Variants in SLIT2 observed in about 807,000 individuals in gnomAD.
The protein encoded by SLIT2 is slit homolog 2 protein.
Under a neutral mutation model 185.7 loss-of-function variants are expected in SLIT2, and 41 were observed. That is an observed-to-expected ratio of 0.22 (90% confidence interval 0.17 to 0.29). The LOEUF is 0.29. Among genes scored for constraint, SLIT2 ranks in the 10% least tolerant of loss-of-function variants. SLIT2 has a pLI of 1.00. For synonymous variants in SLIT2, 693 were observed against 680.2 expected (o/e 1.02, Z -0.29); for missense variants, 1,571 against 1,909.0 (o/e 0.82, Z 3.30).
intron 4 of SLIT2, among the ~76,000 whole-genome samples, chr4:20,421,350 A>G (rs1044307091): frequency 1.3e-5 from 2 of 152,184 alleles, no homozygotes; most frequent in South Asian, 2.1e-4. Flanking sequence ...TTGTAGTAAC[A>G]TTTAAAAATA....
chr4:20,346,729 G>A (rs1721442313), intron 4 of SLIT2, among the ~76,000 whole-genome samples: 1 of 152,188 alleles, frequency 6.6e-6, no homozygotes, highest in Admixed American at 6.5e-5. Flanking sequence ...TTCAGTCTGT[G>A]GCCAAAGGCC....
At chr4:20,291,484 ATATATATATTTTTTTTTTTTTTTTT>A (rs1185872695) in intron 4 of SLIT2, among the ~76,000 whole-genome samples, 27 of 10,502 alleles carry the variant, frequency 2.6e-3, no homozygotes, top group South Asian at 9.3e-3. Flanking sequence ...ATATATATAT[ATATATATATTTTTTTTTTTTTTTTT>A]TTTTTTTTTT....
intron 30 of SLIT2, among the ~76,000 whole-genome samples, chr4:20,594,929 T>G (rs1727852843): frequency 6.6e-6 from 1 of 152,136 alleles, no homozygotes; most frequent in Non-Finnish European, 1.5e-5. Context: ...TGGAGAGGAT[T>G]CAGTGAATCC....
intron 26 of SLIT2, among the ~76,000 whole-genome samples, chr4:20,556,767 C>T (rs1724291672): frequency 6.6e-6 from 1 of 152,000 alleles, no homozygotes; most frequent in African/African-American, 2.4e-5. Context: ...GCAAGGAAGG[C>T]CACGTTGAAA....
chr4:20,579,691 TAAAA>T (rs954217479), intron 29 of SLIT2, among the ~76,000 whole-genome samples: 1 of 151,806 alleles, frequency 6.6e-6, no homozygotes, highest in South Asian at 2.1e-4. Context: ...GTTGGCGAAA[TAAAA>T]AAACCTCACT....
intron 4 of SLIT2, among the ~76,000 whole-genome samples, chr4:20,362,070 C>T (rs1179726018): frequency 6.6e-6 from 1 of 152,138 alleles, no homozygotes; most frequent in African/African-American, 2.4e-5. Flanking sequence ...GTGAAAAGTA[C>T]TTTCCAAGGG....
At chr4:20,360,480 A>C (rs1722655222) in intron 4 of SLIT2, among the ~76,000 whole-genome samples, 1 of 152,188 alleles carries the variant, frequency 6.6e-6, no homozygotes, top group Non-Finnish European at 1.5e-5. Flanking sequence ...CAGGTTACTT[A>C]GTAAATTAGT....
intron 4 of SLIT2, among the ~76,000 whole-genome samples, chr4:20,382,868 T>C (rs192642534): frequency 7.5e-4 from 114 of 152,064 alleles, no homozygotes; most frequent in African/African-American, 2.7e-3. Flanking sequence ...TAAAATAAAA[T>C]TGGAGGATGT....
intron 10 of SLIT2, 43 bp from the exon 11 acceptor site, chr4:20,511,023 T>G (rs771352239): frequency 3.2e-6 from 4 of 1,248,842 alleles, no homozygotes; most frequent in South Asian, 1.2e-5. Flanking sequence ...TAAATCTCAC[T>G]GACATTTGAT....
chr4:20,308,974 C>T (rs918783471), intron 4 of SLIT2, among the ~76,000 whole-genome samples: 7 of 151,994 alleles, frequency 4.6e-5, no homozygotes, highest in East Asian at 3.9e-4. Flanking sequence ...TTGGAGGTTT[C>T]GAGAATAAGT....
chr4:20,305,015 T>C (rs1717405863), intron 4 of SLIT2, among the ~76,000 whole-genome samples: 2 of 152,234 alleles, frequency 1.3e-5, no homozygotes, highest in Admixed American at 1.3e-4. Flanking sequence ...GCTAGTACAC[T>C]AGACTGTGAA....
At chr4:20,285,539 T>A (rs17601683) in intron 4 of SLIT2, among the ~76,000 whole-genome samples, 3,016 of 150,162 alleles carry the variant, frequency 0.02, 64 homozygotes, top group South Asian at 0.073. Flanking sequence ...TAGAAACTTT[T>A]GCACTTTACT....
intron 21 of SLIT2, among the ~76,000 whole-genome samples, chr4:20,543,678 A>G (rs1304832755): frequency 6.6e-6 from 1 of 152,094 alleles, no homozygotes; most frequent in Non-Finnish European, 1.5e-5. Context: ...TAAGGATCTT[A>G]TTTTCAAATC....
chr4:20,393,243 T>C (rs1309277413), intron 4 of SLIT2: 1 of 152,104 alleles, frequency 6.6e-6, no homozygotes, highest in African/African-American at 2.4e-5. Context: ...ATGAGAACTT[T>C]CTTGCTGATA....
At chr4:20,534,949 G>A (rs1056188738) in intron 18 of SLIT2, among the ~76,000 whole-genome samples, 1 of 152,070 alleles carries the variant, frequency 6.6e-6, no homozygotes, top group Non-Finnish European at 1.5e-5. Context: ...CCATCCCAAG[G>A]GCTAACTTGG....
chr4:20,274,742 G>GT (rs35101905), intron 4 of SLIT2, among the ~76,000 whole-genome samples: 37,871 of 144,504 alleles, frequency 0.26, 4,876 homozygotes, highest in Middle Eastern at 0.39. Flanking sequence ...AAGTTTCTGT[G>GT]TTTTTTTTTT....
intron 4 of SLIT2, among the ~76,000 whole-genome samples, chr4:20,424,487 G>T (rs980135306): frequency 6.6e-6 from 1 of 151,832 alleles, no homozygotes; most frequent in Non-Finnish European, 1.5e-5. Context: ...CACATGTATG[G>T]GTTTTTCTCA....
At chr4:20,582,526 C>G (rs1726672109) in intron 29 of SLIT2, among the ~76,000 whole-genome samples, 1 of 152,192 alleles carries the variant, frequency 6.6e-6, no homozygotes, top group Non-Finnish European at 1.5e-5. Context: ...TGTCTTTCAA[C>G]CCACACACTG....
intron 21 of SLIT2, among the ~76,000 whole-genome samples, chr4:20,544,474 C>T (rs1723083451): frequency 6.6e-6 from 1 of 152,052 alleles, no homozygotes; most frequent in Admixed American, 6.6e-5. Context: ...ATCTATTTTA[C>T]TACAAATTAT....
Sources: allele counts gnomAD v4.1 joint callset (sites outside exome capture counted in the v4.1 genomes callset), GRCh38; gene constraint gnomAD v4.1.1; transcripts MANE v1.5; gene names NCBI Gene and HGNC (gene_info 2026-07-23, HGNC 2026-07-21).